ABL2: variants seen among roughly 807,000 people sequenced by gnomAD.
ABL2 encodes tyrosine-protein kinase ABL2.
Under a neutral mutation model 107.7 loss-of-function variants are expected in ABL2, and 49 were observed. The ratio of observed to expected loss-of-function variants is 0.45; its 90% CI spans 0.36 to 0.58. The LOEUF is 0.58. ABL2 is among the 20% of genes least tolerant of loss of function. ABL2 has a pLI of 0.00. For synonymous variants in ABL2, 549 were observed against 548.6 expected (o/e 1.00, Z -0.01); for missense variants, 1,245 against 1,457.0 (o/e 0.85, Z 2.37).
chr1:179,209,281 A>C (rs1662144159), intron 1 of ABL2, among the ~76,000 whole-genome samples: 1 of 152,172 alleles, frequency 6.6e-6, no homozygotes, highest in Admixed American at 6.5e-5. Context: ...GACTATGACC[A>C]AACAAGCCTT....
chr1:179,121,692 A>G lies in ABL2; in HGVS notation c.863T>C (p.Ile288Thr), dbSNP rs1215769786. ...GCCCCCAAGTTTGTGCTTCATGGTA[A>G]TATCTGTTCGCTCCATTTCCCATTT... The part of the protein sequence containing the change: ...HDKWEMERTD[I>T]TMKHKLGGGQ... The change falls in exon 5 of 12, where the codon ATT (isoleucine) becomes ACT (threonine). Residue 288 changes from isoleucine to threonine, a missense_variant. Physicochemically the swap from Ile to Thr is moderately conservative, Grantham distance 89. Coordinates refer to ENST00000502732, the MANE Select transcript of ABL2 (RefSeq NM_007314.4). 2 of 1,614,006 alleles carry G rather than the reference A, an allele frequency of 1.2e-6. No homozygotes were observed. Among genetic ancestry groups the G allele is most frequent in the African/African-American group, 1.3e-5 (1 of 74,894 alleles).
chr1:179,165,175 T>C (rs1182613630), intron 1 of ABL2, among the ~76,000 whole-genome samples: 1 of 152,206 alleles, frequency 6.6e-6, no homozygotes, highest in Non-Finnish European at 1.5e-5. Context: ...AATGCATAAC[T>C]ATAATTTATC....
At chr1:179,192,329 A>G (rs1233337472) in intron 1 of ABL2, among the ~76,000 whole-genome samples, 1 of 152,206 alleles carries the variant, frequency 6.6e-6, no homozygotes, top group African/African-American at 2.4e-5. Context: ...AGACAAACCA[A>G]AAAATATGAT....
intron 1 of ABL2, among the ~76,000 whole-genome samples, chr1:179,216,144 A>G (rs77273506): frequency 0.026 from 3,923 of 152,348 alleles, 131 homozygotes; most frequent in Admixed American, 0.065. Flanking sequence ...AGAGTTCACT[A>G]TAGAGAAGCC....
At chr1:179,228,050 CAA>C (rs34070201) in intron 1 of ABL2, among the ~76,000 whole-genome samples, 73 of 63,384 alleles carry the variant, frequency 1.2e-3, no homozygotes, top group East Asian at 1.7e-3. Flanking sequence ...ACTCCGTCTC[CAA>C]AAAAAAAAAA....
intron 1 of ABL2, among the ~76,000 whole-genome samples, chr1:179,189,515 T>G (rs1660877686): frequency 6.6e-6 from 1 of 152,232 alleles, no homozygotes; most frequent in African/African-American, 2.4e-5. Context: ...TGTTCCCTAC[T>G]CTTGTATCAT....
At position 179,136,292 on chromosome 1, in the gene ABL2, G is replaced by A. The variant is rs563142588; in HGVS notation, c.158-2918C>T. On this transcript the variant is annotated intron_variant, in intron 1 of 11. Coordinates refer to ENST00000502732, the MANE Select transcript of ABL2 (RefSeq NM_007314.4). ...AGGGGGGAAAGGTGGGGAAAAGATTGAGAAATCGGATGGTTGCCGTGTCTG... is the reference window on the plus strand; with the variant it reads ...AGGGGGGAAAGGTGGGGAAAAGATTAAGAAATCGGATGGTTGCCGTGTCTG... Among the ~76,000 whole-genome samples the A allele has an allele frequency of 5.0e-3, 757 of 151,780 alleles. 6 individuals carry two copies. The highest frequency in any genetic ancestry group is 0.017 in the African/African-American group (709 of 41,470).
At chr1:179,204,885 T>C (rs941489990) in intron 1 of ABL2, among the ~76,000 whole-genome samples, 13 of 152,194 alleles carry the variant, frequency 8.5e-5, no homozygotes, top group African/African-American at 3.1e-4. Context: ...GTACATCGGT[T>C]ATTCTAGAGT....
chr1:179,153,602 C>T (rs935875429), intron 1 of ABL2, among the ~76,000 whole-genome samples: 7 of 152,152 alleles, frequency 4.6e-5, no homozygotes, highest in Non-Finnish European at 8.8e-5. Context: ...CTCTGTTACA[C>T]GTGATGGCAT....
At position 179,107,046 on chromosome 1, in the gene ABL2, TAGA is replaced by T. The variant is rs999382806; in HGVS notation, c.*669_*671del. 3.5e-5 allele frequency: 8 copies of T among 230,004 alleles called. No individual in the cohort carries two copies. Among genetic ancestry groups the T allele is most frequent in the South Asian group, 1.8e-4 (1 of 5,494 alleles). The allele number at this position is 230,004 out of a possible 1,614,324, so 14.2% of individuals were successfully genotyped here. Reference sequence around the variant, plus strand: ...ACTTCTGCTAATCTGTGTAAGATTTTAGAAGGTTTTCAATTTCTGATTCAACTT... The same window carrying T: ...ACTTCTGCTAATCTGTGTAAGATTTTAGGTTTTCAATTTCTGATTCAACTT... On this transcript the variant is annotated 3_prime_UTR_variant, in exon 12 of 12. Coordinates refer to ENST00000502732, the MANE Select transcript of ABL2 (RefSeq NM_007314.4).
At chr1:179,145,051 T>C (rs1163573681) in intron 1 of ABL2, among the ~76,000 whole-genome samples, 6 of 152,200 alleles carry the variant, frequency 3.9e-5, no homozygotes, top group African/African-American at 1.2e-4. Context: ...TCTATACATA[T>C]AATGAAGTAT....
chr1:179,139,729 C>T (rs1355041873), intron 1 of ABL2, among the ~76,000 whole-genome samples: 2 of 152,084 alleles, frequency 1.3e-5, no homozygotes, highest in African/African-American at 4.8e-5. Context: ...AGGTGAGCAG[C>T]GGGCCAGCGA....
chr1:179,123,142 A>C (rs1178743588), intron 4 of ABL2, among the ~76,000 whole-genome samples: 1 of 152,236 alleles, frequency 6.6e-6, no homozygotes, highest in Non-Finnish European at 1.5e-5. Flanking sequence ...TTTTGGTAAG[A>C]GTATTCAAAT....
intron 8 of ABL2, 91 bp from the exon 9 acceptor site, chr1:179,115,121 C>T: frequency 1.6e-6 from 2 of 1,216,970 alleles, no homozygotes; most frequent in Non-Finnish European, 2.3e-6. Context: ...TTTTAGGTAA[C>T]ATTCACACAC....
rs1052140325 is a variant in ABL2, at chr1:179,201,625, T to C, written c.157+27616A>G. The C allele has an allele frequency of 6.1e-5, 27 of 445,212 alleles. No homozygotes were observed. The East Asian group carries it at 1.4e-3, about 23-fold the overall frequency. 27.6% of individuals were successfully genotyped at this position (445,212 alleles called of 1,614,324 possible). Reference sequence around the variant, plus strand: ...CCTCTGCCTTCCTTGGCTGCCTACATGGATACCCAAGAGTCTTCCTTTCGG... The same window carrying C: ...CCTCTGCCTTCCTTGGCTGCCTACACGGATACCCAAGAGTCTTCCTTTCGG... On this transcript the variant is annotated intron_variant, in intron 1 of 11. Transcript: ENST00000502732.
intron 1 of ABL2, among the ~76,000 whole-genome samples, chr1:179,179,898 C>G (rs1660270580): frequency 6.7e-6 from 1 of 148,340 alleles, no homozygotes; most frequent in Admixed American, 6.7e-5. Flanking sequence ...GTCAGGGGTT[C>G]AAGACCAGCC....
At chr1:179,148,471 A>T (rs929059420) in intron 1 of ABL2, among the ~76,000 whole-genome samples, 1 of 152,210 alleles carries the variant, frequency 6.6e-6, no homozygotes, top group African/African-American at 2.4e-5. Context: ...CTTTGATGTC[A>T]CTACTGTCAT....
At chr1:179,192,542 T>C (rs1015966390) in intron 1 of ABL2, among the ~76,000 whole-genome samples, 3 of 152,212 alleles carry the variant, frequency 2.0e-5, no homozygotes, top group Non-Finnish European at 4.4e-5. Context: ...GTTATCATAA[T>C]GGCACACCAA....
intron 9 of ABL2, 48 bp downstream of exon 9, chr1:179,114,830 G>A (rs772015899): frequency 3.6e-5 from 56 of 1,543,666 alleles, no homozygotes; most frequent in Non-Finnish European, 4.8e-5. Context: ...TAACTATTCT[G>A]AACTGCTAGC....
Sources: allele counts gnomAD v4.1 joint callset (sites outside exome capture counted in the v4.1 genomes callset), GRCh38; gene constraint gnomAD v4.1.1; transcripts MANE v1.5; gene names NCBI Gene and HGNC (gene_info 2026-07-23, HGNC 2026-07-21).